The following EBF1 variants were observed in gnomAD, a reference collection of about 807,000 sequenced individuals.
EBF1 encodes EBF transcription factor 1, also known as transcription factor COE1.
Under a neutral mutation model 68.4 loss-of-function variants are expected in EBF1, and 10 were observed. The ratio of observed to expected loss-of-function variants is 0.15; its 90% confidence interval spans 0.09 to 0.25. The LOEUF is 0.25. EBF1 is among the 10% of genes least tolerant of loss of function. EBF1 has a pLI of 1.00. For missense variants in EBF1, 509 were observed against 794.4 expected, an observed-to-expected ratio of 0.64 and a Z score of 4.32; for synonymous variants, 298 against 299.8, an observed-to-expected ratio of 0.99 and a Z score of 0.06.
At chr5:158,733,953 C>T (rs1216577320) in intron 10 of EBF1, among the ~76,000 whole-genome samples, 1 of 151,984 alleles carries the variant, frequency 6.6e-6, no homozygotes, top group Non-Finnish European at 1.5e-5. Context: ...TTTAACTGCC[C>T]CCACAAAAAA....
chr5:159,067,877 C>T (rs994908506), intron 6 of EBF1, among the ~76,000 whole-genome samples: 1 of 152,094 alleles, frequency 6.6e-6, no homozygotes, highest in Non-Finnish European at 1.5e-5. Flanking sequence ...TCAAACCAAC[C>T]AAAAACACAA....
intron 6 of EBF1, among the ~76,000 whole-genome samples, chr5:159,019,694 A>T (rs1281905399): frequency 2.0e-5 from 3 of 152,240 alleles, no homozygotes; most frequent in Admixed American, 6.5e-5. Flanking sequence ...GAGGTTTCTC[A>T]CTAAGAAGTG....
At chr5:158,979,679 G>GA (rs142047197) in intron 6 of EBF1, among the ~76,000 whole-genome samples, 34 of 144,920 alleles carry the variant, frequency 2.3e-4, no homozygotes, top group African/African-American at 3.1e-4. Context: ...AATTTTTAAG[G>GA]AAAAAAAAAA....
intron 6 of EBF1, among the ~76,000 whole-genome samples, chr5:159,067,097 G>GGGAAATGA (rs1776963117): frequency 6.6e-6 from 1 of 152,214 alleles, no homozygotes; most frequent in African/African-American, 2.4e-5. Flanking sequence ...TGGCAGGAGA[G>GGGAAATGA]GGAAATGAGG....
intron 6 of EBF1, among the ~76,000 whole-genome samples, chr5:158,904,623 G>A (rs1296845132): frequency 6.6e-6 from 1 of 152,154 alleles, no homozygotes; most frequent in African/African-American, 2.4e-5. Context: ...AAATTAGAAA[G>A]GAACTGAATT....
chr5:158,806,439 A>G lies in EBF1; in HGVS notation c.779-9964T>C, dbSNP rs749694470. Among the ~76,000 whole-genome samples the G allele has an allele frequency of 2.2e-4, 33 of 152,264 alleles. No individual in the cohort carries two copies. In the Middle Eastern group the frequency reaches 0.01, roughly 47 times the overall value. On this transcript the variant is annotated intron_variant, in intron 8 of 15. Transcript: ENST00000313708. ...CCTAAGAAGAGAGGATCCCTCCAGC[A>G]GTCTAGCAGGATTCCACAGGCTTCC...
intron 6 of EBF1, among the ~76,000 whole-genome samples, chr5:158,996,961 C>T (rs1305121378): frequency 6.6e-6 from 1 of 152,164 alleles, no homozygotes; most frequent in East Asian, 1.9e-4. Context: ...GGGAGGCCAG[C>T]CCCAACTACA....
intron 6 of EBF1, among the ~76,000 whole-genome samples, chr5:158,899,887 C>T (rs553121011): frequency 2.6e-4 from 40 of 152,314 alleles, no homozygotes; most frequent in African/African-American, 8.7e-4. Flanking sequence ...CCACCCCCTA[C>T]ATCACACAAT....
At chr5:158,721,534 G>T (rs1305478829) in intron 11 of EBF1, among the ~76,000 whole-genome samples, 3 of 152,182 alleles carry the variant, frequency 2.0e-5, no homozygotes, top group Non-Finnish European at 2.9e-5. Flanking sequence ...TAGCCAGAGT[G>T]TTATGAAATA....
At chr5:159,013,082 G>A (rs1298547729) in intron 6 of EBF1, among the ~76,000 whole-genome samples, 1 of 152,216 alleles carries the variant, frequency 6.6e-6, no homozygotes, top group Non-Finnish European at 1.5e-5. Flanking sequence ...GTGGTACTTT[G>A]TTATGGCAGC....
intron 6 of EBF1, among the ~76,000 whole-genome samples, chr5:158,931,660 G>T (rs1038598719): frequency 1.3e-5 from 2 of 152,166 alleles, no homozygotes; most frequent in East Asian, 3.8e-4. Flanking sequence ...TTATTGGAGG[G>T]TTCAGCATAG....
At position 158,711,416 on chromosome 5, in the gene EBF1, C is replaced by T. The variant is rs184577153; in HGVS notation, c.1549+738G>A. On this transcript the variant is annotated intron_variant, in intron 14 of 15. Transcript: ENST00000313708. ...TGATTATTAGATTTACTAAATGTGC[C>T]TCTATCCATGTGTCCGGCATCAGGA... is the stretch of plus-strand genomic sequence containing the variant. Among the ~76,000 whole-genome samples the T allele has an allele frequency of 2.8e-3, 430 of 152,248 alleles. 2 individuals are homozygous for T. The highest frequency in any genetic ancestry group is 9.8e-3 in the African/African-American group (405 of 41,532).
At chr5:158,714,255 C>G in intron 11 of EBF1, 73 bp from the exon 12 acceptor site, 1 of 1,554,584 alleles carries the variant, frequency 6.4e-7, no homozygotes. Flanking sequence ...TGATCACATT[C>G]CAGTCCCTCT....
intron 11 of EBF1, among the ~76,000 whole-genome samples, chr5:158,727,904 T>G (rs1763317542): frequency 6.6e-6 from 1 of 152,228 alleles, no homozygotes; most frequent in Non-Finnish European, 1.5e-5. Flanking sequence ...TGGAGCAGTT[T>G]CATTTGACAG....
chr5:159,078,237 G>C lies in EBF1; in HGVS notation c.486-4773C>G, dbSNP rs111670540. Reference sequence around the variant, plus strand: ...CATGTGAGTTCTCCCTTTTCAGGTAGAACTGCCCATAGTTCTTTCTGCTAA... The same window carrying C: ...CATGTGAGTTCTCCCTTTTCAGGTACAACTGCCCATAGTTCTTTCTGCTAA... On this transcript the variant is annotated intron_variant, in intron 5 of 15. Coordinates refer to ENST00000313708, the MANE Select transcript of EBF1 (RefSeq NM_024007.5). 1.9e-3 allele frequency among the ~76,000 whole-genome samples: 287 copies of C among 152,206 alleles called. 1 individual carries two copies. The highest frequency in any genetic ancestry group is 6.5e-3 in the African/African-American group (268 of 41,524).
At chr5:158,813,380 C>T (rs1783082259) in intron 8 of EBF1, among the ~76,000 whole-genome samples, 1 of 152,156 alleles carries the variant, frequency 6.6e-6, no homozygotes, top group Non-Finnish European at 1.5e-5. Flanking sequence ...GCCGCTTGTA[C>T]ACAACACCTT....
intron 7 of EBF1, among the ~76,000 whole-genome samples, chr5:158,831,570 A>G (rs775401868): frequency 5.3e-5 from 8 of 152,200 alleles, no homozygotes; most frequent in Non-Finnish European, 1.2e-4. Flanking sequence ...AAAAAATAAA[A>G]TATCTTCCAC....
intron 6 of EBF1, among the ~76,000 whole-genome samples, chr5:158,909,667 G>A (rs958384793): frequency 1.1e-4 from 17 of 152,186 alleles, no homozygotes; most frequent in South Asian, 4.2e-4. Context: ...GGCCGGGTGC[G>A]GTGGCTGACA....
At chr5:158,709,784 G>A (rs1000414148) in intron 14 of EBF1, among the ~76,000 whole-genome samples, 9 of 152,152 alleles carry the variant, frequency 5.9e-5, no homozygotes, top group East Asian at 5.8e-4. Flanking sequence ...GTGAAAATAC[G>A]CTCAATAATA....
Sources: gnomAD v4.1 joint callset for allele counts (sites outside exome capture counted in the v4.1 genomes callset) on GRCh38, gnomAD v4.1.1 for gene constraint, MANE v1.5 for transcripts, NCBI Gene and HGNC (gene_info 2026-07-23, HGNC 2026-07-21) for gene names.